RNF212: variants seen among roughly 807,000 people sequenced by gnomAD.
RNF212 encodes probable E3 SUMO-protein ligase RNF212.
RNF212 carries 33 observed loss-of-function variants against 34.7 expected under a neutral mutation model. The ratio of observed to expected loss-of-function variants is 0.95; its 90% CI spans 0.72 to 1.27. The LOEUF is 1.27. RNF212 is among the 50% of genes most tolerant of loss of function. RNF212 has a pLI of 0.00. For synonymous variants in RNF212, 140 were observed against 136.1 expected, an observed-to-expected ratio of 1.03 and a Z score of -0.20; for missense variants, 377 against 362.2, an observed-to-expected ratio of 1.04 and a Z score of -0.33.
In RNF212 at chr4:1,079,654, G is replaced by T; in HGVS notation, c.499C>A (p.Pro167Thr). Residue 167 changes from proline to threonine, a missense_variant, in exon 8 of 10, where the codon CCG becomes ACG. By Grantham distance (38) the Pro-to-Thr change is conservative. Coordinates refer to ENST00000433731, the MANE Select transcript of RNF212 (RefSeq NM_001131034.4). ...AGAGATGCACTTACTTTTCTAATCG[G>T]AGAAGGAGAGAGATCAACTTCCATC... Reference protein sequence around the residue: ...ESMEVDLSPSPIRKSEIAAGP... With the variant: ...ESMEVDLSPSTIRKSEIAAGP... The T allele has an allele frequency of 6.2e-7, 1 of 1,609,740 alleles. No homozygotes were observed. Among genetic ancestry groups the T allele is most frequent in the South Asian group, 1.1e-5 (1 of 90,986 alleles).
chr4:1,079,069 A>G (rs1397321330), intron 8 of RNF212, among the ~76,000 whole-genome samples: 1 of 151,474 alleles, frequency 6.6e-6, no homozygotes, highest in Admixed American at 6.6e-5. Flanking sequence ...CCAACATGGG[A>G]CCAACACAGG....
At chr4:1,059,998 G>C (rs944048885) in intron 3 of RNF212, among the ~76,000 whole-genome samples, 1 of 151,642 alleles carries the variant, frequency 6.6e-6, no homozygotes, top group African/African-American at 2.4e-5. Context: ...GGAGGCTGAG[G>C]CAGGAGAATC....
chr4:1,078,852 A>G lies in RNF212; in HGVS notation c.510+791T>C, dbSNP rs111543294. 6.0e-3 allele frequency among the ~76,000 whole-genome samples: 904 copies of G among 151,536 alleles called. 8 individuals are homozygous for G. Among genetic ancestry groups the G allele is most frequent in the African/African-American group, 0.021 (851 of 40,994 alleles). On this transcript the variant is annotated intron_variant, in intron 8 of 9. Coordinates refer to ENST00000433731, the MANE Select transcript of RNF212 (RefSeq NM_001131034.4). ...ACCAACACGGGACCAACACAGGACC[A>G]ACATAGGACCAACACAGGGTCAACA... is the stretch of plus-strand genomic sequence containing the variant.
chr4:1,077,458 C>G (rs1287431377), intron 8 of RNF212, among the ~76,000 whole-genome samples: 1 of 152,116 alleles, frequency 6.6e-6, no homozygotes, highest in Non-Finnish European at 1.5e-5. Flanking sequence ...GTCTTAAACT[C>G]CTGGGCTCAA....
chr4:1,079,662 G>C lies in RNF212; in HGVS notation c.491C>G (p.Ser164Cys), dbSNP rs760474654. 2 of 1,611,138 alleles carry C rather than the reference G, an allele frequency of 1.2e-6. No individual in the cohort carries two copies. The highest frequency in any genetic ancestry group is 1.7e-6 in the Non-Finnish European group (2 of 1,177,322). The change falls in exon 8 of 10, where the codon TCT becomes TGT. Residue 164 changes from serine (S) to cysteine (C), a missense_variant. Physicochemically the swap from Ser to Cys is moderately radical, Grantham distance 112. Coordinates refer to ENST00000433731, the MANE Select transcript of RNF212 (RefSeq NM_001131034.4). ...ACTTACTTTTCTAATCGGAGAAGGA[G>C]AGAGATCAACTTCCATCGACTCCAG... Reference protein sequence around the residue: ...DRLESMEVDLSPSPIRKSEIA... With the variant: ...DRLESMEVDLCPSPIRKSEIA...
At chr4:1,075,651 A>G (rs1048151802) in intron 8 of RNF212, among the ~76,000 whole-genome samples, 2 of 152,136 alleles carry the variant, frequency 1.3e-5, no homozygotes, top group Non-Finnish European at 2.9e-5. Context: ...TATCTAAACT[A>G]TATCAGCTGG....
chr4:1,096,680 AC>A (rs1723109245), intron 3 of RNF212, 84 bp downstream of exon 3: 1 of 877,558 alleles, frequency 1.1e-6, no homozygotes, highest in African/African-American at 2.1e-5. Context: ...TCATCACAGA[AC>A]CAAGCACACC....
At position 1,072,131 on chromosome 4, in the gene RNF212, G is replaced by C. The variant is rs1413627870; in HGVS notation, c.*743C>G. 1 of 152,170 alleles carries C rather than the reference G, an allele frequency of 6.6e-6. No homozygotes were observed. Among genetic ancestry groups the C allele is most frequent in the African/African-American group, 2.4e-5 (1 of 41,428 alleles). 9.4% of individuals were successfully genotyped at this position (152,170 alleles called of 1,614,324 possible). ...ATGAGAAGAGATGGGGGAACCATAA[G>C]TGTGTATTGCTAAGTGAAAGGAGTC... On this transcript the variant is annotated 3_prime_UTR_variant, in exon 10 of 10. Coordinates refer to ENST00000433731, the MANE Select transcript of RNF212 (RefSeq NM_001131034.4).
chr4:1,058,310 G>GGGTTAGAACGCTGTGAAGCAGGTGCTTGC (rs1560086839), intron 4 of RNF212: 1 of 920,628 alleles, frequency 1.1e-6, no homozygotes, highest in Admixed American at 6.4e-5. Context: ...GTGCTTGCGG[G>GGGTTAGAACGCTGTGAAGCAGGTGCTTGC]GGGGCACTAC....
intron 4 of RNF212, chr4:1,056,874 T>A: frequency 1.0e-6 from 1 of 987,992 alleles, no homozygotes. Flanking sequence ...GGGATGCTGA[T>A]GGGCGGCCGG....
Position 1,093,481 on chromosome 4 carries a change from C to T in RNF212, c.247-2643G>A, listed in dbSNP as rs763962729. The T allele has an allele frequency of 2.1e-5, 30 of 1,461,400 alleles. No individual in the cohort carries two copies. The African/African-American group carries it at 3.7e-4, about 18-fold the overall frequency. The allele number at this position is 1,461,400 out of a possible 1,614,324, so 90.5% of individuals were successfully genotyped here. A position where few individuals can be genotyped will look rare whatever the true frequency, so the allele number is the denominator to read the frequency against. ...AACTCCACCCTGCGTTTGTGATGCTCACCTCCACAGTGTAACTGACAAACA... is the reference window on the plus strand; with the variant it reads ...AACTCCACCCTGCGTTTGTGATGCTTACCTCCACAGTGTAACTGACAAACA... On this transcript the variant is annotated intron_variant, in intron 3 of 9. Coordinates refer to ENST00000433731, the MANE Select transcript of RNF212 (RefSeq NM_001131034.4).
chr4:1,059,506 A>G (rs1048577230), intron 3 of RNF212, among the ~76,000 whole-genome samples: 4 of 148,766 alleles, frequency 2.7e-5, no homozygotes, highest in Non-Finnish European at 5.9e-5. Context: ...AAGCCAACAA[A>G]TCCAGAGCCC....
At chr4:1,075,123 A>T (rs1054008037) in intron 8 of RNF212, among the ~76,000 whole-genome samples, 18 of 152,216 alleles carry the variant, frequency 1.2e-4, no homozygotes, top group Non-Finnish European at 2.1e-4. Context: ...TAAATGGGCC[A>T]TGGCAGACTT....
chr4:1,079,448 G>A (rs1308097431), intron 8 of RNF212, among the ~76,000 whole-genome samples, 195 bp downstream of exon 8: 1 of 152,240 alleles, frequency 6.6e-6, no homozygotes, highest in East Asian at 1.9e-4. Flanking sequence ...CATTCAGGCA[G>A]AACAGGAGCG....
At chr4:1,113,335 C>T in intron 1 of RNF212, 21 bp downstream of exon 1, 2 of 1,538,580 alleles carry the variant, frequency 1.3e-6, no homozygotes, top group Non-Finnish European at 1.7e-6. Flanking sequence ...CCTCTCCAGC[C>T]TGCGTTCGGG....
chr4:1,090,251 G>A (rs1175199728), intron 4 of RNF212, among the ~76,000 whole-genome samples: 1 of 152,034 alleles, frequency 6.6e-6, no homozygotes. Flanking sequence ...TGGCTGGCAA[G>A]CAGGGCCAAG....
At chr4:1,076,447 C>T (rs1719318946) in intron 8 of RNF212, among the ~76,000 whole-genome samples, 1 of 152,348 alleles carries the variant, frequency 6.6e-6, no homozygotes. Flanking sequence ...CCACCAAGAG[C>T]ACCCCCGATA....
chr4:1,093,411 A>G, intron 3 of RNF212: 1 of 1,418,324 alleles, frequency 7.1e-7, no homozygotes, highest in South Asian at 1.6e-5. Flanking sequence ...TTGATATTAG[A>G]GCATAAATGT....
At position 1,072,974 on chromosome 4, in the gene RNF212, A is replaced by C; in HGVS notation, c.794T>G (p.Phe265Cys). Reference protein sequence around the residue: ...IYAEVQRAVLFPFQQAEGTLD... With the variant: ...IYAEVQRAVLCPFQQAEGTLD... ...GGTGCCCTCAGCCTGCTGGAACGGA[A>C]ACAAGACGGCCCTTTGTACCTCAGC... Residue 265 changes from phenylalanine (F) to cysteine (C), a missense_variant, in exon 10 of 10, where the codon TTT (phenylalanine) becomes TGT (cysteine). Transcript: ENST00000433731. 1 of 1,614,178 alleles carries C rather than the reference A, an allele frequency of 6.2e-7. No individual in the cohort carries two copies. The highest frequency in any genetic ancestry group is 8.5e-7 in the Non-Finnish European group (1 of 1,180,030).
Sources: gnomAD v4.1 joint callset for allele counts (sites outside exome capture counted in the v4.1 genomes callset) on GRCh38, gnomAD v4.1.1 for gene constraint, MANE v1.5 for transcripts, NCBI Gene and HGNC (gene_info 2026-07-23, HGNC 2026-07-21) for gene names.